Variants in ADGRL3 observed in about 807,000 individuals in gnomAD.
ADGRL3 encodes adhesion G protein-coupled receptor L3, also known as calcium-independent alpha-latrotoxin receptor 3.
In ADGRL3, 62 loss-of-function variants were observed where a neutral mutation model predicts 153.5. That is an observed-to-expected ratio of 0.40 (90% CI 0.33 to 0.50). The LOEUF is 0.50. ADGRL3 is among the 20% of genes least tolerant of loss of function. The pLI is 0.47. For missense variants in ADGRL3, 1,641 were observed against 1,859.4 expected (o/e 0.88, Z 2.16); for synonymous variants, 710 against 672.5 (o/e 1.06, Z -0.86).
intron 8 of ADGRL3, among the ~76,000 whole-genome samples, chr4:61,781,648 T>C (rs2097215883): frequency 6.6e-6 from 1 of 152,206 alleles, no homozygotes; most frequent in Non-Finnish European, 1.5e-5. Context: ...TTATTCATAC[T>C]CTACCCTATT....
At position 61,673,994 on chromosome 4, in the gene ADGRL3, T is replaced by C. The variant is rs1258616974; in HGVS notation, c.474-2832T>C. Among the ~76,000 whole-genome samples the C allele has an allele frequency of 3.3e-5, 5 of 151,372 alleles. No homozygotes were observed. In the East Asian group the frequency reaches 9.6e-4, roughly 29 times the overall value. On this transcript the variant is annotated intron_variant, in intron 5 of 26. Transcript: ENST00000683033. ...TTAATTAGAAGGCTTTCTTGACTCATCTTCGGTTAATATTAAATAATCTAT... is the reference window on the plus strand; with the variant it reads ...TTAATTAGAAGGCTTTCTTGACTCACCTTCGGTTAATATTAAATAATCTAT...
chr4:61,414,688 A>G (rs1578724478), intron 2 of ADGRL3, among the ~76,000 whole-genome samples: 1 of 151,992 alleles, frequency 6.6e-6, no homozygotes. Context: ...TTTTTTTGGA[A>G]TAATATATCA....
At chr4:61,328,617 T>C (rs889045266) in intron 1 of ADGRL3, among the ~76,000 whole-genome samples, 2 of 152,196 alleles carry the variant, frequency 1.3e-5, no homozygotes, top group Non-Finnish European at 2.9e-5. Flanking sequence ...TTGTTCATTT[T>C]ATATTTTATT....
intron 21 of ADGRL3, among the ~76,000 whole-genome samples, chr4:62,014,854 T>C (rs563530850): frequency 1.3e-5 from 2 of 152,292 alleles, no homozygotes; most frequent in East Asian, 3.9e-4. Flanking sequence ...CTCCAGGTGC[T>C]TATCAGTTTC....
intron 1 of ADGRL3, among the ~76,000 whole-genome samples, chr4:61,373,652 G>T (rs1214505705): frequency 6.6e-6 from 1 of 152,030 alleles, no homozygotes; most frequent in Non-Finnish European, 1.5e-5. Flanking sequence ...TTCATAGTTT[G>T]CTGTTCTTTG....
At chr4:62,025,011 A>G (rs1717644193) in intron 21 of ADGRL3, among the ~76,000 whole-genome samples, 1 of 152,090 alleles carries the variant, frequency 6.6e-6, no homozygotes, top group African/African-American at 2.4e-5. Context: ...ATATAATAAT[A>G]TAATTTCAGG....
At chr4:61,805,662 T>C (rs2097545687) in intron 8 of ADGRL3, among the ~76,000 whole-genome samples, 1 of 152,212 alleles carries the variant, frequency 6.6e-6, no homozygotes, top group South Asian at 2.1e-4. Flanking sequence ...ATGGTGCCAA[T>C]TAATCCAAGT....
At chr4:61,228,400 G>A (rs1355328794) in intron 1 of ADGRL3, among the ~76,000 whole-genome samples, 1 of 152,110 alleles carries the variant, frequency 6.6e-6, no homozygotes, top group African/African-American at 2.4e-5. Flanking sequence ...ACATTTCCAT[G>A]TGGTTGTGGA....
chr4:61,405,634 A>G (rs1295335035), intron 2 of ADGRL3, among the ~76,000 whole-genome samples: 1 of 151,934 alleles, frequency 6.6e-6, no homozygotes, highest in Non-Finnish European at 1.5e-5. Context: ...GCTAAATATT[A>G]GTACAGACTA....
intron 15 of ADGRL3, 31 bp from the exon 16 acceptor site, chr4:61,946,883 A>G: frequency 1.3e-6 from 2 of 1,524,600 alleles, no homozygotes; most frequent in Non-Finnish European, 9.1e-7. Context: ...AGTAGAGTGG[A>G]CAAACTAATC....
chr4:61,709,260 T>G (rs920783967), intron 6 of ADGRL3, among the ~76,000 whole-genome samples: 1 of 152,216 alleles, frequency 6.6e-6, no homozygotes, highest in Non-Finnish European at 1.5e-5. Context: ...TTAGTCTAAT[T>G]TATGCATAAT....
intron 4 of ADGRL3, among the ~76,000 whole-genome samples, chr4:61,541,829 ATG>A (rs1371386719): frequency 4.2e-5 from 5 of 118,978 alleles, no homozygotes; most frequent in East Asian, 2.4e-4. Context: ...TTAGATATAT[ATG>A]TGTGTGTGTA....
At chr4:61,291,738 T>A (rs1023948272) in intron 1 of ADGRL3, among the ~76,000 whole-genome samples, 2 of 150,368 alleles carry the variant, frequency 1.3e-5, no homozygotes, top group African/African-American at 4.9e-5. Context: ...TATTAAATTA[T>A]CCTTATACTG....
chr4:61,927,643 G>A (rs2098800059), intron 13 of ADGRL3, among the ~76,000 whole-genome samples: 1 of 152,026 alleles, frequency 6.6e-6, no homozygotes, highest in Non-Finnish European at 1.5e-5. Context: ...CACTCAACTT[G>A]ACTTGTAATA....
intron 2 of ADGRL3, among the ~76,000 whole-genome samples, chr4:61,466,868 G>T (rs1021518382): frequency 6.6e-6 from 1 of 151,816 alleles, no homozygotes; most frequent in African/African-American, 2.4e-5. Flanking sequence ...ATCTTGAGTG[G>T]CCACATTAAT....
Position 62,073,398 on chromosome 4 carries a change from A to G in ADGRL3, c.*2490A>G, listed in dbSNP as rs1746248308. 6.6e-6 allele frequency: 1 copy of G among 152,126 alleles called. No individual in the cohort carries two copies. The highest frequency in any genetic ancestry group is 1.5e-5 in the Non-Finnish European group (1 of 68,002). The allele number at this position is 152,126 out of a possible 1,614,324, so 9.4% of individuals were successfully genotyped here. ...TCTCACACCACACTATGGCAATATT[A>G]GCACGTCCAAGGCTTTTAACCCACC... On this transcript the variant is annotated 3_prime_UTR_variant, in exon 27 of 27. Transcript: ENST00000683033.
chr4:61,797,245 T>C (rs2097425971), intron 8 of ADGRL3, among the ~76,000 whole-genome samples: 2 of 152,308 alleles, frequency 1.3e-5, no homozygotes, highest in South Asian at 2.1e-4. Flanking sequence ...AACTCTGGTG[T>C]CTTAGAAGGA....
chr4:61,340,397 C>CCCAT (rs1486639944), intron 1 of ADGRL3, among the ~76,000 whole-genome samples: 1 of 151,974 alleles, frequency 6.6e-6, no homozygotes, highest in African/African-American at 2.4e-5. Flanking sequence ...ACTTTGGGAG[C>CCCAT]ATGGGGTCAG....
chr4:61,768,538 C>T (rs1222464220), intron 8 of ADGRL3, among the ~76,000 whole-genome samples: 5 of 152,082 alleles, frequency 3.3e-5, no homozygotes, highest in East Asian at 3.9e-4. Context: ...GCCCATTTTA[C>T]GACAAGAATT....
Sources: gnomAD v4.1 joint callset for allele counts (sites outside exome capture counted in the v4.1 genomes callset) on GRCh38, gnomAD v4.1.1 for gene constraint, MANE v1.5 for transcripts, NCBI Gene and HGNC (gene_info 2026-07-23, HGNC 2026-07-21) for gene names.